ACYP2: variants seen among roughly 807,000 people sequenced by gnomAD.
ACYP2 encodes acylphosphatase-2.
A neutral mutation model predicts 11.2 loss-of-function variants in ACYP2; 12 were observed. That is an observed-to-expected ratio of 1.08 (90% CI 0.69 to 1.74). The LOEUF (loss-of-function observed/expected upper bound fraction) is 1.74, where lower values mean the gene tolerates loss of function less well. ACYP2 is among the 40% of genes most tolerant of loss of function. ACYP2 has a pLI of 0.00. For synonymous variants in ACYP2, 43 were observed against 32.2 expected, an observed-to-expected ratio of 1.33 and a Z score of -1.13; for missense variants, 134 against 101.9, an observed-to-expected ratio of 1.31 and a Z score of -1.35.
chr2:54,265,311 G>A (rs1166284290), intron 6 of ACYP2, among the ~76,000 whole-genome samples: 1 of 152,150 alleles, frequency 6.6e-6, no homozygotes, highest in Non-Finnish European at 1.5e-5. Context: ...GAGACAGCTT[G>A]TAAATGGAAA....
At chr2:54,119,051 CTTTTTTTT>C (rs10542497) in intron 4 of ACYP2, among the ~76,000 whole-genome samples, 16 of 43,770 alleles carry the variant, frequency 3.7e-4, no homozygotes, top group South Asian at 1.2e-3. Flanking sequence ...TCTTAGTAGT[CTTTTTTTT>C]TTTTTTTTTT....
At chr2:54,153,460 GTT>G (rs3069007) in intron 6 of ACYP2, among the ~76,000 whole-genome samples, 128 of 133,070 alleles carry the variant, frequency 9.6e-4, no homozygotes, top group African/African-American at 3.2e-3. Flanking sequence ...GCTACTTAGG[GTT>G]TTTTTTTTTT....
chr2:54,143,081 GT>G (rs1375851779), intron 6 of ACYP2: 2 of 152,034 alleles, frequency 1.3e-5, no homozygotes, highest in Non-Finnish European at 2.9e-5. Context: ...AGTCTATTGG[GT>G]TTTTAAAAAA....
intron 2 of ACYP2, among the ~76,000 whole-genome samples, chr2:54,009,691 G>A (rs1673259755): frequency 6.6e-6 from 1 of 152,136 alleles, no homozygotes. Flanking sequence ...TGAAAAACAT[G>A]AACAATGGAA....
At chr2:54,060,157 A>G (rs1467546041) in intron 4 of ACYP2, among the ~76,000 whole-genome samples, 2 of 152,170 alleles carry the variant, frequency 1.3e-5, no homozygotes, top group East Asian at 1.9e-4. Context: ...ATTTCTTCCC[A>G]TCAGTTTATT....
intron 6 of ACYP2, among the ~76,000 whole-genome samples, chr2:54,281,006 C>G (rs542815559): frequency 6.6e-6 from 1 of 152,270 alleles, no homozygotes; most frequent in African/African-American, 2.4e-5. Context: ...AGGAATTTAT[C>G]TCTATGAGGC....
intron 2 of ACYP2, among the ~76,000 whole-genome samples, chr2:54,019,554 G>T (rs1207812891): frequency 1.3e-5 from 2 of 151,882 alleles, no homozygotes; most frequent in African/African-American, 4.8e-5. Context: ...ACCTACCTCA[G>T]CCTCCCCAAG....
intron 3 of ACYP2, among the ~76,000 whole-genome samples, chr2:54,055,132 G>A (rs1349303810): frequency 6.6e-6 from 1 of 152,130 alleles, no homozygotes; most frequent in East Asian, 1.9e-4. Flanking sequence ...CACCTCCCGG[G>A]TTCAAGCAAT....
chr2:54,212,808 C>T (rs551762794), intron 6 of ACYP2, among the ~76,000 whole-genome samples: 1 of 142,930 alleles, frequency 7.0e-6, no homozygotes, highest in South Asian at 2.3e-4. Context: ...TATTCTTGTA[C>T]AAAAATATTC....
At chr2:54,146,730 C>T (rs1681911118) in intron 6 of ACYP2, among the ~76,000 whole-genome samples, 2 of 151,752 alleles carry the variant, frequency 1.3e-5, no homozygotes. Flanking sequence ...TGTTGTTTTC[C>T]CCAAATCTCT....
chr2:54,269,145 A>G (rs554729661), intron 6 of ACYP2, among the ~76,000 whole-genome samples: 18 of 152,304 alleles, frequency 1.2e-4, no homozygotes, highest in Non-Finnish European at 2.5e-4. Flanking sequence ...ACAGGGGCTC[A>G]CTATGTTGCC....
chr2:54,108,406 G>C (rs1482494311), intron 4 of ACYP2, among the ~76,000 whole-genome samples: 1 of 152,218 alleles, frequency 6.6e-6, no homozygotes, highest in Admixed American at 6.5e-5. Flanking sequence ...GGCCCTTGTT[G>C]TCACACTAGC....
chr2:54,096,142 C>T (rs1302210990), intron 4 of ACYP2, among the ~76,000 whole-genome samples: 1 of 143,054 alleles, frequency 7.0e-6, no homozygotes, highest in Non-Finnish European at 1.5e-5. Context: ...CGGAGGGGCT[C>T]CTCACTTCTC....
At chr2:54,208,713 T>C (rs914769821) in intron 6 of ACYP2, among the ~76,000 whole-genome samples, 1 of 152,044 alleles carries the variant, frequency 6.6e-6, no homozygotes, top group African/African-American at 2.4e-5. Flanking sequence ...GACTTTTTTT[T>C]TTCAGGGCTA....
chr2:54,191,345 C>T (rs1684231085), intron 6 of ACYP2, among the ~76,000 whole-genome samples: 1 of 152,230 alleles, frequency 6.6e-6, no homozygotes, highest in South Asian at 2.1e-4. Flanking sequence ...ATGCTGGCCT[C>T]TCCTTGCTAT....
At chr2:54,046,235 G>C (rs542539441) in intron 2 of ACYP2, among the ~76,000 whole-genome samples, 19 of 151,580 alleles carry the variant, frequency 1.3e-4, no homozygotes, top group African/African-American at 3.4e-4. Context: ...CAGCAATTTG[G>C]GGGGAGGCTG....
intron 2 of ACYP2, among the ~76,000 whole-genome samples, chr2:53,982,775 G>A (rs1671832044): frequency 6.6e-6 from 1 of 151,408 alleles, no homozygotes; most frequent in East Asian, 1.9e-4. Flanking sequence ...TGTTAAGCCT[G>A]GCTGTTTTCC....
At chr2:54,096,616 C>T (rs914058650) in intron 4 of ACYP2, among the ~76,000 whole-genome samples, 7 of 152,166 alleles carry the variant, frequency 4.6e-5, no homozygotes, top group Non-Finnish European at 4.4e-5. Context: ...GGATCCCTCG[C>T]GGTTAGGAGC....
At chr2:54,196,974 T>A (rs1274693788) in intron 6 of ACYP2, among the ~76,000 whole-genome samples, 1 of 152,238 alleles carries the variant, frequency 6.6e-6, no homozygotes, top group African/African-American at 2.4e-5. Flanking sequence ...ACGTGTCACC[T>A]CATTTAATCC....
Sources: gnomAD v4.1 joint callset for allele counts (sites outside exome capture counted in the v4.1 genomes callset) on GRCh38, gnomAD v4.1.1 for gene constraint, MANE v1.5 for transcripts, NCBI Gene and HGNC (gene_info 2026-07-23, HGNC 2026-07-21) for gene names.